TJP1: variants seen among roughly 807,000 people sequenced by gnomAD.
The protein encoded by TJP1 is tight junction protein 1, also known as tight junction protein ZO-1.
A neutral mutation model predicts 194.2 loss-of-function variants in TJP1; 43 were observed. The observed-to-expected ratio is 0.22, with a 90% CI of 0.17 to 0.29. The LOEUF is 0.29. TJP1 is among the 10% of genes least tolerant of loss of function. The pLI, the probability that TJP1 is intolerant of heterozygous loss-of-function variation, is 1.00. For synonymous variants in TJP1, 801 were observed against 779.0 expected (o/e 1.03, Z -0.47); for missense variants, 1,971 against 2,185.7 (o/e 0.90, Z 1.96).
intron 2 of TJP1, among the ~76,000 whole-genome samples, chr15:29,855,457 A>T (rs958521165): frequency 6.6e-6 from 1 of 152,242 alleles, no homozygotes; most frequent in Non-Finnish European, 1.5e-5. Flanking sequence ...CCCTGATATG[A>T]TCATGACACA....
intron 2 of TJP1, among the ~76,000 whole-genome samples, chr15:29,850,203 G>C (rs785452): frequency 0.37 from 56,342 of 152,120 alleles, 11,021 homozygotes; most frequent in African/African-American, 0.49. Context: ...CTGTAGTTCT[G>C]GCTGACGTCT....
chr15:29,949,502 A>G (rs1199639684), intron 2 of TJP1, among the ~76,000 whole-genome samples: 1 of 50,200 alleles, frequency 2.0e-5, no homozygotes, highest in Admixed American at 2.3e-4. Context: ...CACCTCCACA[A>G]CCACCACCTC....
chr15:29,733,128 CCTT>C lies in TJP1; in HGVS notation c.1699_1701del (p.Lys567del). The C allele has an allele frequency of 1.9e-6, 3 of 1,614,082 alleles. No individual in the cohort carries two copies. The highest frequency in any genetic ancestry group is 2.5e-6 in the Non-Finnish European group (3 of 1,180,016). On this transcript the variant is annotated inframe_deletion, in exon 13 of 28. Coordinates refer to ENST00000614355, the MANE Select transcript of TJP1 (RefSeq NM_001330239.4). Reference sequence around the variant, plus strand: ...TTAGGGATGATGCCTCGTTCTACCTCCTTATGATTTTTACCAATTCGAATAGCA... The same window carrying C: ...TTAGGGATGATGCCTCGTTCTACCTCATGATTTTTACCAATTCGAATAGCA...
At chr15:29,860,043 GCC>G (rs2052014984) in intron 2 of TJP1, among the ~76,000 whole-genome samples, 1 of 152,208 alleles carries the variant, frequency 6.6e-6, no homozygotes, top group Admixed American at 6.5e-5. Flanking sequence ...GTGGGTGGGA[GCC>G]TCCACATTGA....
In TJP1 at chr15:29,705,539, T is replaced by C; in HGVS notation, c.5057A>G (p.Asp1686Gly). The change falls in exon 26 of 28, where the codon GAT becomes GGT. Residue 1686 changes from aspartate (D) to glycine (G), a missense_variant. By Grantham distance (94) the Asp-to-Gly change is moderately conservative. Around this residue, in one of 5 missense-constraint regions of TJP1, gnomAD observed 1,108 missense variants for 1,128.5 expected, o/e 0.98. Coordinates refer to ENST00000614355, the MANE Select transcript of TJP1 (RefSeq NM_001330239.4). Reference sequence around the variant, plus strand: ...ATAAACACATTTACCTTTCTCTTTATCTAAAGGTGGAAGGATGCTGTTGTC... The same window carrying C: ...ATAAACACATTTACCTTTCTCTTTACCTAAAGGTGGAAGGATGCTGTTGTC... ...CRDNSILPPLDKEKGETLLSP... is the reference protein window; with the variant it reads ...CRDNSILPPLGKEKGETLLSP... 1 of 1,614,192 alleles carries C rather than the reference T, an allele frequency of 6.2e-7. No individual in the cohort carries two copies. The highest frequency in any genetic ancestry group is 8.5e-7 in the Non-Finnish European group (1 of 1,180,008).
At chr15:29,855,769 T>G (rs1465402236) in intron 2 of TJP1, among the ~76,000 whole-genome samples, 3 of 151,544 alleles carry the variant, frequency 2.0e-5, no homozygotes, top group Admixed American at 6.6e-5. Flanking sequence ...GGCACGAGAA[T>G]CGCTTGAACT....
At chr15:29,720,307 A>C (rs1388738991) in intron 19 of TJP1, 51 bp downstream of exon 19, 35 of 1,431,344 alleles carry the variant, frequency 2.4e-5, no homozygotes, top group Non-Finnish European at 3.3e-5. Flanking sequence ...CCACATTCTA[A>C]AATTTAATAA....
intron 2 of TJP1, among the ~76,000 whole-genome samples, chr15:29,949,228 C>A (rs1346587405): frequency 1.7e-4 from 18 of 104,934 alleles, no homozygotes; most frequent in African/African-American, 4.5e-4. Flanking sequence ...CCACTTTCAC[C>A]ACCACTACCT....
chr15:29,762,378 G>A lies in TJP1; in HGVS notation c.650C>T (p.Ala217Val). Residue 217 changes from alanine to valine, a missense_variant, in exon 6 of 28, where the codon GCA (alanine) becomes GTA (valine). Around this residue, in one of 5 missense-constraint regions of TJP1, gnomAD observed 245 missense variants for 336.6 expected, o/e 0.73. Coordinates refer to ENST00000614355, the MANE Select transcript of TJP1 (RefSeq NM_001330239.4). ...TTCTTGAATATTGCCATCTCTTGCT[G>A]CCAAACTATCTTGTGAAATTTCCTT... ...FVKEISQDSL[A>V]ARDGNIQEGD... 6.2e-7 allele frequency: 1 copy of A among 1,613,568 alleles called. No individual in the cohort carries two copies. Among genetic ancestry groups the A allele is most frequent in the Non-Finnish European group, 8.5e-7 (1 of 1,179,884 alleles).
chr15:29,808,085 T>C (rs954761251), intron 1 of TJP1, among the ~76,000 whole-genome samples: 1 of 152,110 alleles, frequency 6.6e-6, no homozygotes, highest in Non-Finnish European at 1.5e-5. Flanking sequence ...CTGGCCAACC[T>C]GGTGAAACCC....
rs142179665 is a variant in TJP1, at chr15:29,947,939, C to A, written c.306+8293G>T. ...CTGCCTTCCCCCACACTCCTTGCTA[C>A]AAGAGAAAAATGCTCCTGTTACTTT... is the stretch of plus-strand genomic sequence containing the variant. On this transcript the variant is annotated intron_variant, in intron 2 of 28. Coordinates refer to the TJP1 transcript ENST00000356107. 5.8e-4 allele frequency among the ~76,000 whole-genome samples: 89 copies of A among 152,264 alleles called. 1 individual carries two copies. In the East Asian group the frequency reaches 0.016, roughly 27 times the overall value.
Position 29,955,753 on chromosome 15 carries a change from T to TAAAAAAAAAAA in TJP1, c.306+468_306+478dup, listed in dbSNP as rs563535771. On this transcript the variant is annotated intron_variant, in intron 2 of 28. Transcript: ENST00000356107. ...GCAACAGAAGGAGACCCTGGCTCTT[T>TAAAAAAAAAAA]AAAAAAAAAAAAAAAAAAAAAAAAA... Among the ~76,000 whole-genome samples, 304 of 35,808 alleles carry TAAAAAAAAAAA rather than the reference T, an allele frequency of 8.5e-3. 16 individuals carry two copies. The highest frequency in any genetic ancestry group is 0.013 in the East Asian group (12 of 922). 23.5% of individuals were successfully genotyped at this position (35,808 alleles called of 152,430 possible). A position where few individuals can be genotyped will look rare whatever the true frequency, so the allele number is the denominator to read the frequency against.
intron 2 of TJP1, among the ~76,000 whole-genome samples, chr15:29,835,579 G>A (rs2050998519): frequency 6.6e-6 from 1 of 152,094 alleles, no homozygotes; most frequent in African/African-American, 2.4e-5. Flanking sequence ...GACCCCAGGA[G>A]GTTGAGGCTG....
chr15:29,749,431 T>C (rs1365955653), intron 8 of TJP1, among the ~76,000 whole-genome samples: 3 of 152,158 alleles, frequency 2.0e-5, no homozygotes, highest in Non-Finnish European at 4.4e-5. Flanking sequence ...AAACTTTGGT[T>C]GTGAAATTGC....
At position 29,904,658 on chromosome 15, in the gene TJP1, C is replaced by T. The variant is rs540362124; in HGVS notation, c.306+51574G>A. Among the ~76,000 whole-genome samples, 22 of 152,142 alleles carry T rather than the reference C, an allele frequency of 1.4e-4. No homozygotes were observed. The East Asian group carries it at 3.7e-3, about 25-fold the overall frequency. On this transcript the variant is annotated intron_variant, in intron 2 of 28. Coordinates refer to the TJP1 transcript ENST00000356107. ...ACTAAAGCAAAAACTAGAATGCTTT[C>T]CCCTGTCTTATTAGAAAAAAAAATA...
intron 2 of TJP1, among the ~76,000 whole-genome samples, chr15:29,902,656 G>A (rs1044417419): frequency 7.9e-5 from 12 of 152,060 alleles, no homozygotes; most frequent in South Asian, 6.2e-4. Context: ...TTGATCCAAC[G>A]GAAATAAATA....
At chr15:29,908,969 ACG>A (rs1182152657) in intron 2 of TJP1, among the ~76,000 whole-genome samples, 2 of 152,034 alleles carry the variant, frequency 1.3e-5, no homozygotes, top group African/African-American at 2.4e-5. Context: ...CCCGGCTAAC[ACG>A]GTGAAACCCC....
intron 2 of TJP1, among the ~76,000 whole-genome samples, chr15:29,950,786 A>G (rs1052676660): frequency 3.3e-5 from 5 of 152,182 alleles, no homozygotes; most frequent in African/African-American, 1.2e-4. Context: ...GGATGTGTTT[A>G]AAGTCAAAAG....
intron 1 of TJP1, chr15:29,968,336 T>C (rs1458538943): frequency 2.0e-6 from 2 of 985,398 alleles, no homozygotes; most frequent in Non-Finnish European, 1.2e-6. Context: ...CCCGCCGTAA[T>C]GGAGCAGAAA....
Sources: allele counts gnomAD v4.1 joint callset (sites outside exome capture counted in the v4.1 genomes callset), GRCh38; gene constraint gnomAD v4.1.1; regional missense constraint gnomAD v4.1.1; transcripts MANE v1.5; gene names NCBI Gene and HGNC (gene_info 2026-07-23, HGNC 2026-07-21).